Variants in BMPR1A observed in about 807,000 individuals in gnomAD.
BMPR1A encodes the protein bone morphogenetic protein receptor type 1A.
Under a neutral mutation model 66.0 loss-of-function variants are expected in BMPR1A, and 7 were observed. The ratio of observed to expected loss-of-function variants is 0.11; its 90% CI spans 0.06 to 0.20. BMPR1A has a LOEUF of 0.20. Ranked by LOEUF, BMPR1A falls within the 10% of genes least tolerant of loss-of-function variation. BMPR1A has a pLI of 1.00. For missense variants in BMPR1A, 408 were observed against 669.1 expected, an observed-to-expected ratio of 0.61 and a Z score of 4.31; for synonymous variants, 200 against 229.7, an observed-to-expected ratio of 0.87 and a Z score of 1.17.
In BMPR1A at chr10:86,829,644, C is replaced by T. The variant is rs1020400127; in HGVS notation, c.-267-9221C>T. On this transcript the variant is annotated intron_variant, in intron 1 of 12. Transcript: ENST00000372037. Reference sequence around the variant, plus strand: ...TTTCATCTCTATGATGTTGACATTTCGAGGATATTAATAAATGGAATCACA... The same window carrying T: ...TTTCATCTCTATGATGTTGACATTTTGAGGATATTAATAAATGGAATCACA... 7.2e-5 allele frequency among the ~76,000 whole-genome samples: 11 copies of T among 152,286 alleles called. No individual in the cohort carries two copies. The East Asian group carries it at 1.9e-3, about 27-fold the overall frequency.
chr10:86,818,973 T>C (rs1842075326), intron 1 of BMPR1A, among the ~76,000 whole-genome samples: 1 of 152,188 alleles, frequency 6.6e-6, no homozygotes, highest in African/African-American at 2.4e-5. Context: ...GTAAATACGT[T>C]GAATGAACCC....
At chr10:86,918,625 T>C (rs1039903322) in intron 9 of BMPR1A, among the ~76,000 whole-genome samples, 12 of 150,696 alleles carry the variant, frequency 8.0e-5, no homozygotes, top group Non-Finnish European at 1.6e-4. Flanking sequence ...TCCTTTTCTT[T>C]TCTTTTTTTT....
chr10:86,879,941 TTC>T (rs1179239520), intron 3 of BMPR1A, among the ~76,000 whole-genome samples: 3 of 152,226 alleles, frequency 2.0e-5, no homozygotes, highest in Non-Finnish European at 4.4e-5. Flanking sequence ...CAGTTTTATT[TTC>T]TGGGAGGATT....
intron 7 of BMPR1A, among the ~76,000 whole-genome samples, chr10:86,904,452 A>C (rs1012962112): frequency 6.6e-6 from 1 of 152,218 alleles, no homozygotes; most frequent in Non-Finnish European, 1.5e-5. Context: ...AACATCTTTA[A>C]AGTGCCCAAA....
chr10:86,843,809 G>T (rs1842452178), intron 2 of BMPR1A, among the ~76,000 whole-genome samples: 1 of 152,198 alleles, frequency 6.6e-6, no homozygotes, highest in South Asian at 2.1e-4. Flanking sequence ...CTCTAGCAGT[G>T]ACATATAAAC....
At chr10:86,837,251 G>GTC (rs1554883397) in intron 1 of BMPR1A, among the ~76,000 whole-genome samples, 9 of 127,128 alleles carry the variant, frequency 7.1e-5, no homozygotes, top group African/African-American at 3.2e-4. Flanking sequence ...GTGTGTCTGT[G>GTC]TGTGTGTGTG....
intron 5 of BMPR1A, among the ~76,000 whole-genome samples, chr10:86,896,169 A>AG (rs1843221877): frequency 6.6e-6 from 1 of 151,444 alleles, no homozygotes; most frequent in Non-Finnish European, 1.5e-5. Context: ...AGAAAAGAAA[A>AG]AAAAAAAAAA....
chr10:86,899,710 G>T (rs922521169), intron 5 of BMPR1A, 84 bp from the exon 6 acceptor site: 11 of 1,380,546 alleles, frequency 8.0e-6, no homozygotes, highest in Non-Finnish European at 1.1e-5. Flanking sequence ...CACTGAAATA[G>T]AAATTGTATT....
intron 7 of BMPR1A, among the ~76,000 whole-genome samples, chr10:86,910,005 C>G (rs1843454523): frequency 6.6e-6 from 1 of 152,058 alleles, no homozygotes; most frequent in Admixed American, 6.6e-5. Context: ...GTATTTCACA[C>G]TTGAATGCAA....
At chr10:86,853,896 A>G (rs1241475929) in intron 2 of BMPR1A, among the ~76,000 whole-genome samples, 1 of 152,204 alleles carries the variant, frequency 6.6e-6, no homozygotes, top group Non-Finnish European at 1.5e-5. Context: ...TTCGGGCACC[A>G]TTGTCATTGA....
intron 1 of BMPR1A, among the ~76,000 whole-genome samples, chr10:86,804,792 G>GTTTTTTTTTTTTTTTTTTTTTTGTT (rs1841865702): frequency 3.5e-5 from 2 of 57,268 alleles, no homozygotes; most frequent in Non-Finnish European, 6.3e-5. Flanking sequence ...GTTTGTAGGT[G>GTTTTTTTTTTTTTTTTTTTTTTGTT]TTTTTTTTTT....
chr10:86,798,794 A>G (rs773735871), intron 1 of BMPR1A, among the ~76,000 whole-genome samples: 38 of 152,196 alleles, frequency 2.5e-4, no homozygotes, highest in Admixed American at 1.7e-3. Context: ...CACTTACCAT[A>G]ATTACTTTCA....
At chr10:86,813,694 T>C (rs944496811) in intron 1 of BMPR1A, among the ~76,000 whole-genome samples, 1 of 152,166 alleles carries the variant, frequency 6.6e-6, no homozygotes, top group African/African-American at 2.4e-5. Flanking sequence ...CACCAGGGCA[T>C]GTTGCCATTA....
intron 1 of BMPR1A, among the ~76,000 whole-genome samples, chr10:86,837,287 C>T (rs568313683): frequency 1.1e-5 from 1 of 94,848 alleles, no homozygotes; most frequent in Non-Finnish European, 2.2e-5. Flanking sequence ...TCAGGCTGGT[C>T]TCGAACTCCT....
chr10:86,796,208 AG>A (rs558650809), intron 1 of BMPR1A, among the ~76,000 whole-genome samples: 256 of 152,274 alleles, frequency 1.7e-3, no homozygotes, highest in Non-Finnish European at 2.7e-3. Context: ...TAAGCCTTTA[AG>A]GAATTAAACA....
intron 2 of BMPR1A, among the ~76,000 whole-genome samples, chr10:86,843,009 A>G (rs905627770): frequency 1.3e-5 from 2 of 152,204 alleles, no homozygotes; most frequent in Non-Finnish European, 2.9e-5. Context: ...CGTTGGTGAT[A>G]TGAATGGTAG....
chr10:86,803,250 A>G (rs1451506052), intron 1 of BMPR1A, among the ~76,000 whole-genome samples: 1 of 152,110 alleles, frequency 6.6e-6, no homozygotes, highest in African/African-American at 2.4e-5. Flanking sequence ...ATTTGGTGTT[A>G]TTTATTTTTA....
chr10:86,876,777 C>T (rs1006965787), intron 3 of BMPR1A, among the ~76,000 whole-genome samples: 2 of 151,962 alleles, frequency 1.3e-5, no homozygotes, highest in Admixed American at 1.3e-4. Flanking sequence ...TGTCCCTGCC[C>T]CAACCAAAAA....
At chr10:86,910,450 C>T (rs76089878) in intron 7 of BMPR1A, among the ~76,000 whole-genome samples, 1 of 152,274 alleles carries the variant, frequency 6.6e-6, no homozygotes, top group East Asian at 1.9e-4. Flanking sequence ...TGTGTACTTA[C>T]GTGGAATGAT....
Sources: gnomAD v4.1 joint callset for allele counts (sites outside exome capture counted in the v4.1 genomes callset) on GRCh38, gnomAD v4.1.1 for gene constraint, MANE v1.5 for transcripts, NCBI Gene and HGNC (gene_info 2026-07-23, HGNC 2026-07-21) for gene names.